Variants in RGS7 observed in about 807,000 individuals in gnomAD.
The protein encoded by RGS7 is regulator of G protein signaling 7, also known as regulator of G-protein signaling 7.
Under a neutral mutation model 81.1 loss-of-function variants are expected in RGS7, and 27 were observed. The observed-to-expected ratio is 0.33, with a 90% confidence interval of 0.25 to 0.46. The LOEUF (loss-of-function observed/expected upper bound fraction) is 0.46. RGS7 is among the 20% of genes least tolerant of loss of function. The pLI is 1.00. For missense variants in RGS7, 396 were observed against 607.4 expected (o/e 0.65, Z 3.66); for synonymous variants, 208 against 207.7 (o/e 1.00, Z -0.01).
At chr1:241,087,641 G>T (rs956008676) in intron 3 of RGS7, among the ~76,000 whole-genome samples, 2 of 152,112 alleles carry the variant, frequency 1.3e-5, no homozygotes, top group Admixed American at 6.5e-5. Context: ...AAAGAGAAGA[G>T]TGTGGTTTTA....
At chr1:240,893,632 G>A (rs189748607) in intron 6 of RGS7, among the ~76,000 whole-genome samples, 49 of 151,774 alleles carry the variant, frequency 3.2e-4, no homozygotes, top group Non-Finnish European at 4.4e-5. Flanking sequence ...CAAAACTTGA[G>A]AATATATAGT....
At chr1:240,989,773 G>A (rs998104351) in intron 3 of RGS7, among the ~76,000 whole-genome samples, 2 of 152,018 alleles carry the variant, frequency 1.3e-5, no homozygotes, top group East Asian at 1.9e-4. Context: ...CTTCATCAGG[G>A]CGCTTTTGGT....
Position 240,927,051 on chromosome 1 carries a change from G to T in RGS7, c.385+3666C>A, listed in dbSNP as rs188194219. On this transcript the variant is annotated intron_variant, in intron 6 of 18. Coordinates refer to ENST00000440928, the MANE Select transcript of RGS7 (RefSeq NM_001364886.1). The stretch of plus-strand genomic sequence containing the variant: ...GATACTAACAAAATGAAATAAACTG[G>T]TTTTTTTTGTTTTGTTTTGTTTTGT... Among the ~76,000 whole-genome samples, 925 of 151,202 alleles carry T rather than the reference G, an allele frequency of 6.1e-3. 5 individuals carry two copies. Among genetic ancestry groups the T allele is most frequent in the African/African-American group, 0.021 (849 of 41,040 alleles).
chr1:241,049,320 T>A (rs868016898), intron 3 of RGS7, among the ~76,000 whole-genome samples: 3 of 152,350 alleles, frequency 2.0e-5, no homozygotes, highest in South Asian at 4.1e-4. Flanking sequence ...TACCCCTCTT[T>A]ACAGAGTTCT....
intron 2 of RGS7, among the ~76,000 whole-genome samples, chr1:241,205,254 T>C (rs1344449365): frequency 2.0e-5 from 3 of 151,308 alleles, no homozygotes; most frequent in Non-Finnish European, 1.5e-5. Context: ...ATTTTTTTTT[T>C]TTTTTTCAGT....
intron 2 of RGS7, among the ~76,000 whole-genome samples, chr1:241,240,675 A>G (rs1279397966): frequency 1.3e-5 from 2 of 152,188 alleles, no homozygotes; most frequent in African/African-American, 4.8e-5. Flanking sequence ...TAAAAATATA[A>G]TCATTCAATC....
chr1:240,852,575 G>C, intron 9 of RGS7, among the ~76,000 whole-genome samples: 1 of 152,034 alleles, frequency 6.6e-6, no homozygotes, highest in Non-Finnish European at 1.5e-5. Flanking sequence ...CCTGGTACCT[G>C]GTGAATGTTC....
chr1:240,969,130 CTTA>C (rs1682798314), intron 4 of RGS7, among the ~76,000 whole-genome samples: 1 of 152,190 alleles, frequency 6.6e-6, no homozygotes, highest in Non-Finnish European at 1.5e-5. Context: ...TGCTCTAGGC[CTTA>C]TTAGCTTTAT....
At chr1:241,159,156 T>C (rs1267523418) in intron 2 of RGS7, among the ~76,000 whole-genome samples, 1 of 152,272 alleles carries the variant, frequency 6.6e-6, no homozygotes, top group African/African-American at 2.4e-5. Flanking sequence ...ATTTTTACTA[T>C]ATCAATTGCT....
intron 6 of RGS7, among the ~76,000 whole-genome samples, chr1:240,906,026 G>C (rs1359655460): frequency 6.6e-6 from 1 of 152,078 alleles, no homozygotes; most frequent in East Asian, 1.9e-4. Context: ...CCATCTGCCC[G>C]GCATAGTCCT....
intron 9 of RGS7, among the ~76,000 whole-genome samples, chr1:240,836,899 A>C (rs1694817245): frequency 6.6e-6 from 1 of 152,288 alleles, no homozygotes; most frequent in Non-Finnish European, 1.5e-5. Flanking sequence ...CTGTAGTCCT[A>C]CCACATTCTA....
chr1:241,251,813 A>AT (rs1388964681), intron 2 of RGS7, among the ~76,000 whole-genome samples: 3 of 151,538 alleles, frequency 2.0e-5, no homozygotes, highest in Non-Finnish European at 4.4e-5. Context: ...CCTGGCTGGG[A>AT]TTTTTTCAAG....
chr1:241,066,587 C>T (rs772152804), intron 3 of RGS7, among the ~76,000 whole-genome samples: 8 of 152,190 alleles, frequency 5.3e-5, no homozygotes, highest in Non-Finnish European at 1.2e-4. Flanking sequence ...TTGCAGACTT[C>T]TTTCTTTTCT....
At chr1:240,952,223 T>C (rs1257987779) in intron 4 of RGS7, among the ~76,000 whole-genome samples, 1 of 151,990 alleles carries the variant, frequency 6.6e-6, no homozygotes, top group Non-Finnish European at 1.5e-5. Context: ...GAAATAAAGG[T>C]AAAACAAAAT....
intron 6 of RGS7, among the ~76,000 whole-genome samples, chr1:240,917,711 T>G (rs1672826853): frequency 6.6e-6 from 1 of 152,136 alleles, no homozygotes; most frequent in Non-Finnish European, 1.5e-5. Flanking sequence ...AAAAGGAAAC[T>G]AATATAAAAC....
chr1:241,050,773 G>C (rs1425844882), intron 3 of RGS7, among the ~76,000 whole-genome samples: 2 of 152,138 alleles, frequency 1.3e-5, no homozygotes, highest in East Asian at 3.8e-4. Flanking sequence ...TTAATGGATA[G>C]TAAGTATATC....
intron 5 of RGS7, among the ~76,000 whole-genome samples, chr1:240,933,166 G>T (rs1379617198): frequency 2.6e-5 from 4 of 151,802 alleles, no homozygotes; most frequent in South Asian, 2.1e-4. Flanking sequence ...ACAGGTGTGA[G>T]CCACCGCGCC....
chr1:240,997,735 A>G (rs1430138397), intron 3 of RGS7, among the ~76,000 whole-genome samples: 2 of 152,184 alleles, frequency 1.3e-5, no homozygotes, highest in Non-Finnish European at 2.9e-5. Context: ...GAGGCAGGAG[A>G]ATCACGTGAA....
chr1:241,140,530 A>C (rs1033182677), intron 2 of RGS7, among the ~76,000 whole-genome samples: 2 of 152,140 alleles, frequency 1.3e-5, no homozygotes, highest in Non-Finnish European at 2.9e-5. Flanking sequence ...TGGCCTGCTG[A>C]GTAGCTAGGA....
Sources: allele counts gnomAD v4.1 joint callset (sites outside exome capture counted in the v4.1 genomes callset), GRCh38; gene constraint gnomAD v4.1.1; transcripts MANE v1.5; gene names NCBI Gene and HGNC (gene_info 2026-07-23, HGNC 2026-07-21).